Variants in SLC23A2 observed in about 807,000 individuals in gnomAD.
The protein encoded by SLC23A2 is solute carrier family 23 member 2.
A neutral mutation model predicts 73.3 loss-of-function variants in SLC23A2; 36 were observed. The observed-to-expected ratio is 0.49, with a 90% CI of 0.38 to 0.65. The LOEUF is 0.65. SLC23A2 is among the 30% of genes least tolerant of loss of function. SLC23A2 has a pLI of 0.00. For synonymous variants in SLC23A2, 343 were observed against 327.3 expected (o/e 1.05, Z -0.52); for missense variants, 507 against 841.6 (o/e 0.60, Z 4.92).
At chr20:4,890,941 G>A (rs1367246565) in intron 6 of SLC23A2, among the ~76,000 whole-genome samples, 2 of 152,204 alleles carry the variant, frequency 1.3e-5, no homozygotes. Context: ...TGTTTTCAGG[G>A]AGTGGGGACT....
intron 3 of SLC23A2, among the ~76,000 whole-genome samples, chr20:4,916,705 T>C (rs1396167448): frequency 1.3e-5 from 2 of 152,228 alleles, no homozygotes; most frequent in South Asian, 2.1e-4. Context: ...TTAGGATTTT[T>C]TGACTTTACA....
In SLC23A2 at chr20:4,902,684, G is replaced by A; in HGVS notation, c.208-126C>T. ...GTGGTTGCCATCTTCCTGCAGTTTT[G>A]AGCCTTGGCTATCTTTGAAGCCAAG... On this transcript the variant is annotated intron_variant, in intron 4 of 16. Coordinates refer to ENST00000338244, the MANE Select transcript of SLC23A2 (RefSeq NM_005116.6). The surrounding 1 kb of genome is among the most constrained non-coding windows in gnomAD (Gnocchi z 4.0). The A allele has an allele frequency of 1.8e-6, 1 of 558,730 alleles. No individual in the cohort carries two copies. Among genetic ancestry groups the A allele is most frequent in the Non-Finnish European group, 3.2e-6 (1 of 313,092 alleles). 34.6% of individuals were successfully genotyped at this position (558,730 alleles called of 1,614,324 possible).
At position 4,932,717 on chromosome 20, in the gene SLC23A2, C is replaced by T. The variant is rs1932802890; in HGVS notation, c.-154-1G>A. ...GCCTGCAAACGGCATCTCTTAGCAC[C>T]TAGAAAAGAAGAGCACAGCCAAATC... On this transcript the variant is annotated splice_acceptor_variant, in intron 2 of 16. Coordinates refer to ENST00000338244, the MANE Select transcript of SLC23A2 (RefSeq NM_005116.6). LOFTEE classifies it low-confidence loss of function (5UTR_SPLICE). 1 of 596,874 alleles carries T rather than the reference C, an allele frequency of 1.7e-6. No individual in the cohort carries two copies. 37.0% of individuals were successfully genotyped at this position (596,874 alleles called of 1,614,324 possible).
chr20:4,882,875 T>G (rs2122827104), intron 9 of SLC23A2, among the ~76,000 whole-genome samples: 1 of 152,354 alleles, frequency 6.6e-6, no homozygotes, highest in South Asian at 2.1e-4. Flanking sequence ...TTTTAGGAGT[T>G]GTACTGGCTG....
intron 1 of SLC23A2, among the ~76,000 whole-genome samples, chr20:4,983,614 C>G: frequency 6.8e-6 from 1 of 146,720 alleles, no homozygotes; most frequent in East Asian, 2.0e-4. Context: ...CCACTGCACT[C>G]CAGCCTGGGT....
In SLC23A2 at chr20:4,976,536, C is replaced by T. The variant is rs551034637; in HGVS notation, c.-281-5617G>A. Among the ~76,000 whole-genome samples the T allele has an allele frequency of 4.5e-3, 686 of 151,952 alleles. 5 individuals carry two copies. Among genetic ancestry groups the T allele is most frequent in the African/African-American group, 0.015 (635 of 41,440 alleles). On this transcript the variant is annotated intron_variant, in intron 1 of 16. Coordinates refer to ENST00000338244, the MANE Select transcript of SLC23A2 (RefSeq NM_005116.6). The stretch of plus-strand genomic sequence containing the variant: ...ACTAAAAATACAAAAATTAGCTGGG[C>T]GTGGTGGCATGCACCTGTAATCCCA...
At chr20:4,945,490 C>T (rs1163685607) in intron 2 of SLC23A2, among the ~76,000 whole-genome samples, 2 of 152,036 alleles carry the variant, frequency 1.3e-5, no homozygotes, top group African/African-American at 4.8e-5. Flanking sequence ...CTACTTGTTG[C>T]CCAGGCTGGT....
chr20:4,892,821 A>T (rs1931378872), intron 6 of SLC23A2, among the ~76,000 whole-genome samples: 1 of 152,144 alleles, frequency 6.6e-6, no homozygotes, highest in Admixed American at 6.5e-5. Flanking sequence ...GGGAGGAAAA[A>T]GGTGGAGACA....
At chr20:4,990,439 G>A (rs538014939) in intron 1 of SLC23A2, among the ~76,000 whole-genome samples, 6 of 151,898 alleles carry the variant, frequency 4.0e-5, no homozygotes, top group Non-Finnish European at 7.4e-5. Context: ...GCGCGATCTC[G>A]ACTCACTGCA....
At chr20:4,892,424 T>A (rs1245196640) in intron 6 of SLC23A2, among the ~76,000 whole-genome samples, 1 of 152,062 alleles carries the variant, frequency 6.6e-6, no homozygotes, top group East Asian at 1.9e-4. Context: ...TGACCTCAGG[T>A]GATCCGCCCG....
intron 1 of SLC23A2, among the ~76,000 whole-genome samples, chr20:4,987,267 A>G (rs1444522724): frequency 6.6e-6 from 1 of 152,230 alleles, no homozygotes; most frequent in Non-Finnish European, 1.5e-5. Flanking sequence ...AAAACCCATC[A>G]AACTTCTCTG....
chr20:4,992,445 G>A (rs2087940627), intron 1 of SLC23A2, among the ~76,000 whole-genome samples: 1 of 148,974 alleles, frequency 6.7e-6, no homozygotes, highest in Admixed American at 6.7e-5. Context: ...GAAAACATGA[G>A]TGAATACCTA....
At chr20:4,874,263 T>C (rs562700780) in intron 10 of SLC23A2, among the ~76,000 whole-genome samples, 171 bp from the exon 11 acceptor site, 1 of 152,308 alleles carries the variant, frequency 6.6e-6, no homozygotes, top group South Asian at 2.1e-4. Context: ...TCAGGTGAAC[T>C]TATCTTACCC....
intron 9 of SLC23A2, among the ~76,000 whole-genome samples, chr20:4,875,401 G>A (rs1930614690): frequency 6.6e-6 from 1 of 152,274 alleles, no homozygotes; most frequent in Non-Finnish European, 1.5e-5. Flanking sequence ...TTCTAAGATG[G>A]TCTCCTTTTC....
Position 5,009,871 on chromosome 20 carries a change from G to A in SLC23A2, c.-282+311C>T, listed in dbSNP as rs1483222959. ...AGCACTTTGGGAGGCCGAGGCGGGC[G>A]GATCATGAGGTCAGGAGATCGAGAC... On this transcript the variant is annotated intron_variant, in intron 1 of 16. Coordinates refer to the SLC23A2 transcript ENST00000379333. Among the ~76,000 whole-genome samples, 12 of 152,152 alleles carry A rather than the reference G, an allele frequency of 7.9e-5. No individual in the cohort carries two copies. The East Asian group carries it at 2.1e-3, about 27-fold the overall frequency.
rs1006880773 is a variant in SLC23A2 at position 4,911,722 on chromosome 20, C to T, written c.207+1158G>A. 4.0e-5 allele frequency among the ~76,000 whole-genome samples: 6 copies of T among 151,848 alleles called. No homozygotes were observed. The East Asian group carries it at 9.6e-4, about 24-fold the overall frequency. ...AACTCAAATGAAAGCCTCAGAGCTG[C>T]GATACAATTTGGAGATATCAGATTA... is the stretch of plus-strand genomic sequence containing the variant. On this transcript the variant is annotated intron_variant, in intron 4 of 16. Transcript: ENST00000338244.
At chr20:4,982,125 G>T (rs1438952602) in intron 1 of SLC23A2, among the ~76,000 whole-genome samples, 1 of 152,028 alleles carries the variant, frequency 6.6e-6, no homozygotes, top group East Asian at 1.9e-4. Flanking sequence ...CTCCCCAGTA[G>T]CTGGGATTAC....
chr20:4,979,032 C>T (rs2087686709), intron 1 of SLC23A2, among the ~76,000 whole-genome samples: 1 of 152,150 alleles, frequency 6.6e-6, no homozygotes, highest in South Asian at 2.1e-4. Context: ...GTAAGGCTCA[C>T]GTCTGTAATC....
chr20:4,954,698 C>CAAAAAAAAAAAAAAAAA (rs200579910), intron 2 of SLC23A2, among the ~76,000 whole-genome samples: 2 of 55,098 alleles, frequency 3.6e-5, no homozygotes, highest in Non-Finnish European at 8.9e-5. Context: ...GACTCCATCA[C>CAAAAAAAAAAAAAAAAA]AAAAAAAAAA....
Sources: allele counts gnomAD v4.1 joint callset (sites outside exome capture counted in the v4.1 genomes callset), GRCh38; gene constraint gnomAD v4.1.1; non-coding constraint Gnocchi (gnomAD v3.1); transcripts MANE v1.5; gene names NCBI Gene and HGNC (gene_info 2026-07-23, HGNC 2026-07-21).